CBFB: variants seen among roughly 807,000 people sequenced by gnomAD.
The protein encoded by CBFB is core-binding factor subunit beta.
CBFB carries 9 observed loss-of-function variants against 30.4 expected under a neutral mutation model. The observed-to-expected ratio is 0.30, with a 90% CI of 0.18 to 0.52. CBFB has a LOEUF of 0.52. Ranked by LOEUF, CBFB falls within the 20% of genes least tolerant of loss-of-function variation. The pLI, the probability that CBFB is intolerant of heterozygous loss-of-function variation, is 0.97. For missense variants in CBFB, 170 were observed against 244.0 expected (o/e 0.70, Z 2.02); for synonymous variants, 94 against 84.0 (o/e 1.12, Z -0.65).
chr16:67,035,967 C>T (rs932331917), intron 2 of CBFB, among the ~76,000 whole-genome samples: 1 of 152,022 alleles, frequency 6.6e-6, no homozygotes, highest in Admixed American at 6.6e-5. Context: ...GCTCTAACAT[C>T]CAAATCTTTT....
chr16:67,080,868 A>G (rs1324731966), intron 4 of CBFB, among the ~76,000 whole-genome samples: 3 of 152,222 alleles, frequency 2.0e-5, no homozygotes, highest in African/African-American at 7.2e-5. Context: ...GTAGGTAAAG[A>G]AAACGGAAGA....
At chr16:67,070,930 GT>G (rs1039212103) in intron 4 of CBFB, among the ~76,000 whole-genome samples, 2 of 152,162 alleles carry the variant, frequency 1.3e-5, no homozygotes, top group African/African-American at 2.4e-5. Context: ...TATACTTGGA[GT>G]TTTCCAAGCC....
At chr16:67,048,597 C>T (rs367724481) in intron 3 of CBFB, among the ~76,000 whole-genome samples, 1 of 152,144 alleles carries the variant, frequency 6.6e-6, no homozygotes, top group Non-Finnish European at 1.5e-5. Context: ...GTTGTCGAGG[C>T]TGGAGTGCAG....
rs1012357557 is a variant in CBFB, at chr16:67,100,802, T to G, written c.*2024T>G. Reference sequence around the variant, plus strand: ...AGCACCATGCTGCTTCTGTCTGTCTTAATGCTGGCATTAAGATCATGAGCC... The same window carrying G: ...AGCACCATGCTGCTTCTGTCTGTCTGAATGCTGGCATTAAGATCATGAGCC... On this transcript the variant is annotated 3_prime_UTR_variant, in exon 6 of 6. Transcript: ENST00000412916. 4.7e-6 allele frequency: 1 copy of G among 214,342 alleles called. No homozygotes were observed. Among genetic ancestry groups the G allele is most frequent in the Non-Finnish European group, 9.5e-6 (1 of 105,784 alleles). The allele number at this position is 214,342 out of a possible 1,614,324, so 13.3% of individuals were successfully genotyped here.
At chr16:67,048,643 C>T (rs1049667793) in intron 3 of CBFB, among the ~76,000 whole-genome samples, 3 of 151,886 alleles carry the variant, frequency 2.0e-5, no homozygotes, top group Admixed American at 6.6e-5. Flanking sequence ...CTCTGCCTCC[C>T]GGGTTCATGC....
chr16:67,056,993 T>G (rs1960747643), intron 3 of CBFB, among the ~76,000 whole-genome samples: 1 of 151,874 alleles, frequency 6.6e-6, no homozygotes, highest in Admixed American at 6.6e-5. Flanking sequence ...AGCAGGCTTT[T>G]TATTTTTGAG....
chr16:67,038,979 AC>A (rs1225630533), intron 3 of CBFB, among the ~76,000 whole-genome samples: 1 of 152,200 alleles, frequency 6.6e-6, no homozygotes, highest in Non-Finnish European at 1.5e-5. Context: ...TTGGACTTAA[AC>A]CATTGAGATG....
chr16:67,085,764 G>T (rs1033485925), intron 5 of CBFB, among the ~76,000 whole-genome samples: 1 of 142,514 alleles, frequency 7.0e-6, no homozygotes, highest in African/African-American at 2.6e-5. Flanking sequence ...TGCAAGCTCC[G>T]CCTCCCTGGT....
intron 4 of CBFB, among the ~76,000 whole-genome samples, chr16:67,073,644 A>G (rs959575130): frequency 3.9e-5 from 6 of 152,070 alleles, no homozygotes; most frequent in Non-Finnish European, 2.9e-5. Context: ...CAGGAGGCTG[A>G]GGCAGGAGAA....
chr16:67,087,446 C>G (rs1487324402), intron 5 of CBFB, among the ~76,000 whole-genome samples: 1 of 151,664 alleles, frequency 6.6e-6, no homozygotes, highest in Non-Finnish European at 1.5e-5. Flanking sequence ...TTCCCAGCTA[C>G]TTGGGAGGCT....
intron 4 of CBFB, among the ~76,000 whole-genome samples, chr16:67,080,958 C>A (rs770725358): frequency 1.3e-5 from 2 of 152,168 alleles, no homozygotes; most frequent in Middle Eastern, 6.8e-3. Flanking sequence ...CTGAATTTTT[C>A]TTTTAAAAGT....
chr16:67,043,997 CAG>C (rs1015296494), intron 3 of CBFB, among the ~76,000 whole-genome samples: 1 of 152,212 alleles, frequency 6.6e-6, no homozygotes, highest in African/African-American at 2.4e-5. Flanking sequence ...AGCAACTAAT[CAG>C]AATTTAAATC....
chr16:67,099,419 C>CT lies in CBFB; in HGVS notation c.*655dup, dbSNP rs780000742. 0.023 allele frequency: 4,334 copies of CT among 186,486 alleles called. 5 individuals carry two copies. The highest frequency in any genetic ancestry group is 0.047 in the East Asian group (558 of 11,912). The allele number at this position is 186,486 out of a possible 1,614,324, so 11.6% of individuals were successfully genotyped here. A position where few individuals can be genotyped will look rare whatever the true frequency, so the allele number is the denominator to read the frequency against. On this transcript the variant is annotated 3_prime_UTR_variant, in exon 6 of 6. Coordinates refer to ENST00000412916, the MANE Select transcript of CBFB (RefSeq NM_022845.3). ...TAAATGCTAGTAATCAGCACTCTTT[C>CT]TTTTTTTTTTTTTTAATAGAGACAG...
At chr16:67,051,954 T>C (rs1960563109) in intron 3 of CBFB, among the ~76,000 whole-genome samples, 1 of 151,630 alleles carries the variant, frequency 6.6e-6, no homozygotes, top group South Asian at 2.1e-4. Flanking sequence ...CGCATACATA[T>C]ATATAGCAAT....
chr16:67,066,675 G>A lies in CBFB; in HGVS notation c.283-7G>A. On this transcript the variant is annotated splice_region_variant and splice_polypyrimidine_tract_variant and intron_variant, in intron 3 of 5. Transcript: ENST00000412916. The stretch of plus-strand genomic sequence containing the variant: ...TTCAATTATTTTCATCCTTTTCTGT[G>A]TCTTAGGTATATTTGAAGGCTCCCA... The A allele has an allele frequency of 1.4e-6, 2 of 1,451,034 alleles. No homozygotes were observed. The highest frequency in any genetic ancestry group is 2.8e-5 in the African/African-American group (2 of 71,668). 89.9% of individuals were successfully genotyped at this position (1,451,034 alleles called of 1,614,324 possible).
chr16:67,033,646 C>T (rs1217909355), intron 2 of CBFB, among the ~76,000 whole-genome samples: 9 of 147,478 alleles, frequency 6.1e-5, no homozygotes, highest in Non-Finnish European at 8.9e-5. Flanking sequence ...GAGTCTTGCT[C>T]TGTCGCCCAG....
intron 5 of CBFB, among the ~76,000 whole-genome samples, chr16:67,085,152 G>GTGTGTGTGTCTC (rs971813600): frequency 1.3e-5 from 2 of 151,648 alleles, no homozygotes; most frequent in Admixed American, 6.6e-5. Context: ...TTGTGTGTGT[G>GTGTGTGTGTCTC]TGTGTGTGTC....
intron 3 of CBFB, 51 bp downstream of exon 3, chr16:67,036,806 G>T (rs773239123): frequency 2.0e-6 from 2 of 979,838 alleles, no homozygotes; most frequent in South Asian, 2.6e-5. Flanking sequence ...TTTTGTTAGA[G>T]ATTATCTGGT....
intron 3 of CBFB, among the ~76,000 whole-genome samples, chr16:67,041,390 T>C (rs948916876): frequency 6.6e-6 from 1 of 152,172 alleles, no homozygotes; most frequent in Non-Finnish European, 1.5e-5. Flanking sequence ...GTAGAGGTAG[T>C]GAGAAATGGT....
Sources: gnomAD v4.1 joint callset for allele counts (sites outside exome capture counted in the v4.1 genomes callset) on GRCh38, gnomAD v4.1.1 for gene constraint, MANE v1.5 for transcripts, NCBI Gene and HGNC (gene_info 2026-07-23, HGNC 2026-07-21) for gene names.